Variants in ACOXL observed in about 807,000 individuals in gnomAD.
ACOXL encodes acyl-coenzyme A oxidase-like protein.
ACOXL carries 70 observed loss-of-function variants against 71.9 expected under a neutral mutation model. That is an observed-to-expected ratio of 0.97 (90% CI 0.80 to 1.19). The LOEUF (loss-of-function observed/expected upper bound fraction) is 1.19, where lower values mean the gene tolerates loss of function less well. Ranked by LOEUF, ACOXL falls within the 50% of genes most tolerant of loss-of-function variation. The pLI is 0.00. For synonymous variants in ACOXL, 253 were observed against 281.6 expected (o/e 0.90, Z 1.02); for missense variants, 703 against 736.3 (o/e 0.95, Z 0.52).
chr2:111,089,187 C>T (rs2068385681), intron 16 of ACOXL, among the ~76,000 whole-genome samples: 1 of 152,146 alleles, frequency 6.6e-6, no homozygotes, highest in South Asian at 2.1e-4. Context: ...GTAGTCCCAG[C>T]TACTCGGGAG....
At chr2:110,798,587 G>C (rs1210053947) in intron 5 of ACOXL, 23 bp from the exon 6 acceptor site, 2 of 1,591,370 alleles carry the variant, frequency 1.3e-6, no homozygotes, top group Non-Finnish European at 1.7e-6. Flanking sequence ...GGGAAACACT[G>C]TTGCTCTGCT....
intron 10 of ACOXL, among the ~76,000 whole-genome samples, chr2:110,867,896 G>A (rs1694804887): frequency 6.6e-6 from 1 of 152,028 alleles, no homozygotes; most frequent in Non-Finnish European, 1.5e-5. Context: ...CCGAGTAGCT[G>A]GGATTACAGG....
chr2:110,736,230 C>A (rs1676824607), intron 1 of ACOXL, among the ~76,000 whole-genome samples: 1 of 152,110 alleles, frequency 6.6e-6, no homozygotes, highest in African/African-American at 2.4e-5. Flanking sequence ...GCAAAATACA[C>A]ACTATATAAA....
chr2:110,958,309 G>A (rs1351079811), intron 12 of ACOXL, among the ~76,000 whole-genome samples: 1 of 152,194 alleles, frequency 6.6e-6, no homozygotes, highest in African/African-American at 2.4e-5. Flanking sequence ...CGCACCTTCA[G>A]CGAAGTATCA....
chr2:110,820,498 C>A (rs1190598737), intron 9 of ACOXL, among the ~76,000 whole-genome samples: 1 of 150,006 alleles, frequency 6.7e-6, no homozygotes, highest in East Asian at 2.0e-4. Flanking sequence ...GGTGCCCCAG[C>A]AGATGACTTC....
At position 111,117,681 on chromosome 2, in the gene ACOXL, A is replaced by G. The variant is rs2070456042; in HGVS notation, c.1608A>G (p.Pro536=). Residue 536 remains proline, a synonymous_variant, in exon 18 of 18, where the codon CCA becomes CCG. Transcript: ENST00000439055. ...ARRVISTFNI[P]HTYLHAPIAG... ...GGGTGATCTCGACCTTTAACATTCC[A>G]CACACCTACCTCCACGCACCAATCG... 1 of 1,551,704 alleles carries G rather than the reference A, an allele frequency of 6.4e-7. No homozygotes were observed. The highest frequency in any genetic ancestry group is 8.7e-7 in the Non-Finnish European group (1 of 1,146,986).
chr2:111,020,515 C>T (rs1313887260), intron 14 of ACOXL, among the ~76,000 whole-genome samples: 3 of 152,156 alleles, frequency 2.0e-5, no homozygotes, highest in African/African-American at 7.2e-5. Flanking sequence ...GTACAAATAT[C>T]TGAAGCAAGA....
intron 3 of ACOXL, among the ~76,000 whole-genome samples, chr2:110,792,432 TCTCATC>T (rs1405534405): frequency 1.3e-5 from 2 of 152,198 alleles, no homozygotes; most frequent in Non-Finnish European, 2.9e-5. Flanking sequence ...TCCTTCTCCT[TCTCATC>T]CTCATCCTCT....
At chr2:110,858,098 C>T (rs181743153) in intron 10 of ACOXL, among the ~76,000 whole-genome samples, 10 of 152,184 alleles carry the variant, frequency 6.6e-5, no homozygotes, top group Admixed American at 6.5e-4. Context: ...ATATCGAGTA[C>T]CTGCTATCTG....
chr2:110,906,569 C>A (rs1157672911), intron 10 of ACOXL, among the ~76,000 whole-genome samples: 1 of 136,180 alleles, frequency 7.3e-6, no homozygotes, highest in African/African-American at 2.7e-5. Flanking sequence ...GTATTATTAT[C>A]GTACTTATTT....
chr2:110,914,555 G>A (rs1311462105), intron 11 of ACOXL, among the ~76,000 whole-genome samples: 1 of 152,052 alleles, frequency 6.6e-6, no homozygotes, highest in African/African-American at 2.4e-5. Context: ...TTACTTATTA[G>A]TCATTTATTT....
chr2:111,103,276 C>T (rs1355322313), intron 17 of ACOXL, among the ~76,000 whole-genome samples: 1 of 151,844 alleles, frequency 6.6e-6, no homozygotes, highest in East Asian at 1.9e-4. Context: ...GCCTGGGAGA[C>T]AGAGCTAGAC....
rs2065269757 is a variant in ACOXL, at chr2:111,031,572, G to C, written c.1282-55G>C. ...TGTTTGCCGTCTGTCTTGCTATTAA[G>C]TTAGACTCTCTCACAATATCCTCAA... On this transcript the variant is annotated intron_variant, in intron 14 of 17. Transcript: ENST00000439055. 1.5e-5 allele frequency: 23 copies of C among 1,521,922 alleles called. No individual in the cohort carries two copies. The South Asian group carries it at 2.6e-4, about 17-fold the overall frequency. The allele number at this position is 1,521,922 out of a possible 1,614,324, so 94.3% of individuals were successfully genotyped here.
chr2:111,118,089 C>T lies in ACOXL; in HGVS notation c.*273C>T, dbSNP rs367882790. 26 of 552,998 alleles carry T rather than the reference C, an allele frequency of 4.7e-5. No homozygotes were observed. The highest frequency in any genetic ancestry group is 3.2e-4 in the South Asian group (15 of 46,856). 34.3% of individuals were successfully genotyped at this position (552,998 alleles called of 1,614,324 possible). A position where few individuals can be genotyped will look rare whatever the true frequency, so the allele number is the denominator to read the frequency against. On this transcript the variant is annotated 3_prime_UTR_variant, in exon 18 of 18. Transcript: ENST00000439055. Reference sequence around the variant, plus strand: ...CTGCAACCTCTCCCAACTTCAGTGCCGGATCCCCTAGACAATCAGGGTGGG... The same window carrying T: ...CTGCAACCTCTCCCAACTTCAGTGCTGGATCCCCTAGACAATCAGGGTGGG...
rs543566591 is a variant in ACOXL, at chr2:110,808,138, G to T, written c.753+2743G>T. Among the ~76,000 whole-genome samples the T allele has an allele frequency of 9.9e-5, 15 of 152,266 alleles. No individual in the cohort carries two copies. In the East Asian group the frequency reaches 2.5e-3, roughly 25 times the overall value. On this transcript the variant is annotated intron_variant, in intron 9 of 17. Transcript: ENST00000439055. ...AAATGTGTTTGGGAGGGGAGGGAGT[G>T]GGGGCTTGGGAGACCTCTGCAGCCT...
intron 17 of ACOXL, chr2:111,099,641 C>G (rs924515457): frequency 6.6e-6 from 1 of 152,212 alleles, no homozygotes; most frequent in African/African-American, 2.4e-5. Context: ...ATTCCTGTGT[C>G]CTGGCCATTA....
chr2:111,062,047 G>T (rs559173789), intron 16 of ACOXL, among the ~76,000 whole-genome samples: 14 of 151,848 alleles, frequency 9.2e-5, no homozygotes, highest in Non-Finnish European at 2.1e-4. Flanking sequence ...AAGACAGATG[G>T]TCAGAGTGGA....
intron 14 of ACOXL, among the ~76,000 whole-genome samples, chr2:111,017,221 A>G (rs892361712): frequency 6.6e-6 from 1 of 152,188 alleles, no homozygotes; most frequent in East Asian, 1.9e-4. Flanking sequence ...TGAGCCTGTT[A>G]TTCTATTTTG....
At chr2:110,956,524 G>A (rs535065244) in intron 12 of ACOXL, among the ~76,000 whole-genome samples, 66 of 152,206 alleles carry the variant, frequency 4.3e-4, no homozygotes, top group African/African-American at 1.6e-3. Flanking sequence ...CAGCTGTCAC[G>A]GGACAGGTTG....
Sources: gnomAD v4.1 joint callset for allele counts (sites outside exome capture counted in the v4.1 genomes callset) on GRCh38, gnomAD v4.1.1 for gene constraint, MANE v1.5 for transcripts, NCBI Gene and HGNC (gene_info 2026-07-23, HGNC 2026-07-21) for gene names.